The following STPG2 variants were observed in gnomAD, a reference collection of about 807,000 sequenced individuals.
STPG2 encodes the protein sperm-tail PG-rich repeat-containing protein 2.
STPG2 carries 56 observed loss-of-function variants against 54.2 expected under a neutral mutation model. The observed-to-expected ratio is 1.03, with a 90% CI of 0.83 to 1.29. The LOEUF (loss-of-function observed/expected upper bound fraction) is 1.29, where lower values mean the gene tolerates loss of function less well. Among genes scored for constraint, STPG2 ranks in the 50% most tolerant of loss-of-function variants. The pLI, the probability that STPG2 is intolerant of heterozygous loss-of-function variation, is 0.00. For synonymous variants in STPG2, 200 were observed against 181.8 expected (o/e 1.10, Z -0.81); for missense variants, 596 against 544.9 (o/e 1.09, Z -0.93).
chr4:97,444,309 C>T (rs921460798), intron 4 of STPG2, among the ~76,000 whole-genome samples: 5 of 152,118 alleles, frequency 3.3e-5, no homozygotes, highest in African/African-American at 9.7e-5. Context: ...TATTAACAAA[C>T]ACCAAGGAGA....
intron 8 of STPG2, among the ~76,000 whole-genome samples, chr4:97,923,925 A>G (rs1190071864): frequency 2.0e-5 from 3 of 152,210 alleles, no homozygotes; most frequent in Admixed American, 1.3e-4. Context: ...AAATGGGCCA[A>G]TCAGCAGGAT....
intron 10 of STPG2, among the ~76,000 whole-genome samples, chr4:97,602,400 C>A (rs746854214): frequency 1.5e-4 from 23 of 151,750 alleles, no homozygotes; most frequent in Admixed American, 1.1e-3. Flanking sequence ...ATACCAATCT[C>A]CACACACACT....
chr4:97,592,728 C>T (rs1431276040), intron 10 of STPG2, among the ~76,000 whole-genome samples: 1 of 152,066 alleles, frequency 6.6e-6, no homozygotes, highest in Non-Finnish European at 1.5e-5. Flanking sequence ...CACCAGAACT[C>T]GTTTTTGGCC....
chr4:97,858,845 C>A (rs544806626), intron 8 of STPG2, among the ~76,000 whole-genome samples: 8 of 152,070 alleles, frequency 5.3e-5, no homozygotes, highest in Admixed American at 4.6e-4. Context: ...TTGTGAATTG[C>A]GCTGCTATAA....
At chr4:97,490,141 A>T in intron 4 of STPG2, 1 of 151,608 alleles carries the variant, frequency 6.6e-6, no homozygotes, top group East Asian at 2.0e-4. Flanking sequence ...TTTTTAAAAA[A>T]TACAATCCAA....
At chr4:97,546,562 A>G (rs915210643) in intron 4 of STPG2, among the ~76,000 whole-genome samples, 1 of 152,162 alleles carries the variant, frequency 6.6e-6, no homozygotes, top group Non-Finnish European at 1.5e-5. Flanking sequence ...CTTTGTTACT[A>G]TACTTCACAG....
chr4:97,984,278 G>A (rs1245178030), intron 5 of STPG2, among the ~76,000 whole-genome samples: 2 of 152,070 alleles, frequency 1.3e-5, no homozygotes, highest in South Asian at 2.1e-4. Flanking sequence ...CTGAGTAGCT[G>A]GAATTACAAG....
At chr4:97,899,261 A>C (rs1731077682) in intron 8 of STPG2, among the ~76,000 whole-genome samples, 1 of 151,992 alleles carries the variant, frequency 6.6e-6, no homozygotes, top group Non-Finnish European at 1.5e-5. Context: ...AATACAACTA[A>C]CCAGAGAGGT....
rs577042812 is a variant in STPG2 at position 97,687,288 on chromosome 4, C to G, written c.1320+25411G>C. Among the ~76,000 whole-genome samples, 18 of 150,722 alleles carry G rather than the reference C, an allele frequency of 1.2e-4. No individual in the cohort carries two copies. The South Asian group carries it at 3.4e-3, about 28-fold the overall frequency. On this transcript the variant is annotated intron_variant, in intron 10 of 10. Coordinates refer to ENST00000295268, the MANE Select transcript of STPG2 (RefSeq NM_174952.3). ...AAGCTCTCTGATTTAAGTTCAGAAC[C>G]AATAGAATAAGTACAAGTGTATGCA...
intron 10 of STPG2, among the ~76,000 whole-genome samples, chr4:97,633,266 A>G (rs1482199700): frequency 6.6e-6 from 1 of 152,130 alleles, no homozygotes; most frequent in Non-Finnish European, 1.5e-5. Context: ...TTAATTTTTC[A>G]GTTTTTATTG....
In STPG2 at chr4:97,612,010, A is replaced by G. The variant is rs1213097192; in HGVS notation, c.1321-52893T>C. On this transcript the variant is annotated intron_variant, in intron 10 of 10. Transcript: ENST00000295268. ...TCAATATAAAATTCAAGTAAGTTAT[A>G]AAATATTTGCAAAACATAAGATTAC... 4.6e-5 allele frequency among the ~76,000 whole-genome samples: 7 copies of G among 151,816 alleles called. No homozygotes were observed. The East Asian group carries it at 1.4e-3, about 29-fold the overall frequency.
intron 3 of STPG2, among the ~76,000 whole-genome samples, chr4:98,125,572 C>T (rs569585259): frequency 6.6e-6 from 1 of 152,080 alleles, no homozygotes; most frequent in Admixed American, 6.5e-5. Context: ...AGGGCACCGA[C>T]CTGATGCCAG....
At chr4:97,722,454 A>G (rs1461877037) in intron 9 of STPG2, among the ~76,000 whole-genome samples, 1 of 152,152 alleles carries the variant, frequency 6.6e-6, no homozygotes, top group East Asian at 1.9e-4. Context: ...TTAAAATCAG[A>G]GCCTTATGTG....
intron 6 of STPG2, 70 bp downstream of exon 6, chr4:97,981,089 T>C: frequency 1.3e-6 from 2 of 1,501,224 alleles, no homozygotes; most frequent in South Asian, 1.3e-5. Context: ...CTCTGGTGTA[T>C]CCATCTTGTT....
chr4:97,523,255 A>G (rs1369395870), intron 4 of STPG2, among the ~76,000 whole-genome samples: 2 of 151,876 alleles, frequency 1.3e-5, no homozygotes, highest in Non-Finnish European at 2.9e-5. Flanking sequence ...TTTGGATTGT[A>G]ATAGAGTCTC....
rs190105935 is a variant in STPG2, at chr4:97,865,495, G to C, written c.1045-24563C>G. Among the ~76,000 whole-genome samples, 242 of 152,296 alleles carry C rather than the reference G, an allele frequency of 1.6e-3. 1 individual carries two copies. Among genetic ancestry groups the C allele is most frequent in the African/African-American group, 5.6e-3 (231 of 41,570 alleles). ...ACACTTTTACACTGTTGGTGGGACT[G>C]TAAACTAGTTGAACCATTGTGGAAG... On this transcript the variant is annotated intron_variant, in intron 8 of 10. Coordinates refer to ENST00000295268, the MANE Select transcript of STPG2 (RefSeq NM_174952.3).
intron 8 of STPG2, among the ~76,000 whole-genome samples, chr4:97,875,883 A>G (rs1578646326): frequency 6.6e-6 from 1 of 152,066 alleles, no homozygotes; most frequent in South Asian, 2.1e-4. Context: ...AAATGTTATT[A>G]AAGTGTTTGT....
intron 9 of STPG2, among the ~76,000 whole-genome samples, chr4:97,788,607 G>C (rs2149078393): frequency 6.6e-6 from 1 of 152,202 alleles, no homozygotes; most frequent in East Asian, 1.9e-4. Context: ...GGGACTGCTA[G>C]ATCATATAGT....
intron 5 of STPG2, among the ~76,000 whole-genome samples, chr4:98,100,662 CTTTTTTTTTTTTTT>C (rs1166820709): frequency 8.6e-6 from 1 of 116,810 alleles, no homozygotes; most frequent in African/African-American, 3.2e-5. Context: ...CTTTTTCTTT[CTTTTTTTTTTTTTT>C]TTTTTTTTTT....
Sources: allele counts gnomAD v4.1 joint callset (sites outside exome capture counted in the v4.1 genomes callset), GRCh38; gene constraint gnomAD v4.1.1; transcripts MANE v1.5; gene names NCBI Gene and HGNC (gene_info 2026-07-23, HGNC 2026-07-21).